ZNF613: variants seen among roughly 807,000 people sequenced by gnomAD.
ZNF613 encodes zinc finger protein 613.
In ZNF613, 8 loss-of-function variants were observed where a neutral mutation model predicts 14.3. The observed-to-expected ratio is 0.56, with a 90% confidence interval of 0.33 to 1.01. ZNF613 has a LOEUF of 1.01. Among genes scored for constraint, ZNF613 ranks in the 50% least tolerant of loss-of-function variants. ZNF613 has a pLI of 0.03. For synonymous variants in ZNF613, 228 were observed against 254.5 expected, an observed-to-expected ratio of 0.90 and a Z score of 0.99; for missense variants, 656 against 741.9, an observed-to-expected ratio of 0.88 and a Z score of 1.35.
Position 51,940,712 on chromosome 19 carries a change from G to A in ZNF613, c.235+3G>A, listed in dbSNP as rs1170142292. 1.9e-6 allele frequency: 3 copies of A among 1,610,528 alleles called. No homozygotes were observed. The highest frequency in any genetic ancestry group is 1.3e-5 in the African/African-American group (1 of 74,762). ...AATCCACAGCCAAATCTGTCCAGGT[G>A]AGTTCAGGGTGAGAGCCAGCAAGGA... On this transcript the variant is annotated splice_donor_region_variant and intron_variant, in intron 5 of 5. Transcript: ENST00000293471.
intron 2 of ZNF613, among the ~76,000 whole-genome samples, chr19:51,930,735 C>G (rs2085258009): frequency 6.6e-6 from 1 of 152,052 alleles, no homozygotes; most frequent in Admixed American, 6.6e-5. Flanking sequence ...AAATAATATG[C>G]TATAAACATT....
chr19:51,930,687 G>T (rs2085257627), intron 2 of ZNF613, among the ~76,000 whole-genome samples: 1 of 152,136 alleles, frequency 6.6e-6, no homozygotes, highest in Non-Finnish European at 1.5e-5. Flanking sequence ...TTCATCAGTT[G>T]ATGGACTTTT....
chr19:51,930,770 A>G (rs2085258208), intron 2 of ZNF613, among the ~76,000 whole-genome samples: 2 of 151,858 alleles, frequency 1.3e-5, no homozygotes, highest in South Asian at 4.1e-4. Flanking sequence ...TATTGTTTTT[A>G]TTTCTCTTAT....
intron 2 of ZNF613, among the ~76,000 whole-genome samples, chr19:51,935,769 TC>T (rs2085301182): frequency 6.6e-6 from 1 of 152,190 alleles, no homozygotes; most frequent in Non-Finnish European, 1.5e-5. Flanking sequence ...GTGCTGGTTC[TC>T]CTTTCCCATC....
intron 2 of ZNF613, among the ~76,000 whole-genome samples, chr19:51,935,150 A>G (rs1239816797): frequency 6.6e-6 from 1 of 152,112 alleles, no homozygotes; most frequent in East Asian, 1.9e-4. Flanking sequence ...CTTGAGTTTT[A>G]GAATTGGGCA....
At chr19:51,933,735 A>G (rs569996573) in intron 2 of ZNF613, among the ~76,000 whole-genome samples, 1 of 152,320 alleles carries the variant, frequency 6.6e-6, no homozygotes, top group South Asian at 2.1e-4. Flanking sequence ...TGGAGCAAAG[A>G]CAGATAAAAA....
intron 1 of ZNF613, among the ~76,000 whole-genome samples, chr19:51,928,389 A>G (rs1156431052): frequency 6.6e-6 from 1 of 152,216 alleles, no homozygotes; most frequent in East Asian, 1.9e-4. Context: ...AAGCCTTGGC[A>G]GCCAGGGCAT....
intron 2 of ZNF613, among the ~76,000 whole-genome samples, chr19:51,933,441 A>C (rs2085282578): frequency 1.3e-5 from 2 of 152,048 alleles, no homozygotes; most frequent in South Asian, 4.1e-4. Context: ...GACAACAAAC[A>C]ATTTTTTTAT....
At chr19:51,940,179 T>G (rs2085335848) in intron 3 of ZNF613, 30 bp from the exon 4 acceptor site, 1 of 1,610,552 alleles carries the variant, frequency 6.2e-7, no homozygotes, top group Admixed American at 1.7e-5. Context: ...AGAGAAATAC[T>G]TCATATTAAG....
At chr19:51,941,134 G>T (rs1296710314) in intron 5 of ZNF613, among the ~76,000 whole-genome samples, 1 of 152,170 alleles carries the variant, frequency 6.6e-6, no homozygotes, top group Non-Finnish European at 1.5e-5. Context: ...GTTTCACCAA[G>T]TTGACCAAGA....
chr19:51,934,375 C>T (rs1468354206), intron 2 of ZNF613, among the ~76,000 whole-genome samples: 1 of 152,054 alleles, frequency 6.6e-6, no homozygotes, highest in Non-Finnish European at 1.5e-5. Context: ...TGCAAGTGCA[C>T]CTTCAGTGAT....
In ZNF613 at chr19:51,945,064, A is replaced by T. The variant is rs546182797; in HGVS notation, c.1181A>T (p.His394Leu). ...KGNLIVHQRI[H>L]TGEKPYICNE... ...AATCTCATTGTACATCAGCGAATTC[A>T]TACTGGAGAAAAACCCTATATATGC... The change falls in exon 6 of 6, where the codon CAT becomes CTT. Residue 394 changes from histidine (H) to leucine (L), a missense_variant. Coordinates refer to ENST00000293471, the MANE Select transcript of ZNF613 (RefSeq NM_001031721.4). 4 of 1,614,246 alleles carry T rather than the reference A, an allele frequency of 2.5e-6. No individual in the cohort carries two copies. The highest frequency in any genetic ancestry group is 3.4e-6 in the Non-Finnish European group (4 of 1,180,034).
In ZNF613 at chr19:51,929,610, T is replaced by C. The variant is rs375309292; in HGVS notation, c.-358-122T>C. 3.9e-5 allele frequency: 6 copies of C among 152,364 alleles called. No individual in the cohort carries two copies. In the East Asian group the frequency reaches 1.2e-3, roughly 29 times the overall value. 9.4% of individuals were successfully genotyped at this position (152,364 alleles called of 1,614,324 possible). A position where few individuals can be genotyped will look rare whatever the true frequency, so the allele number is the denominator to read the frequency against. On this transcript the variant is annotated intron_variant, in intron 1 of 5. Transcript: ENST00000293471. ...TAACATGATTTAAAGAACTTTACAA[T>C]TGAATACCTGTTTGCCTACCATCTG...
In ZNF613 at chr19:51,945,548, C is replaced by T. The variant is rs1215334876; in HGVS notation, c.1665C>T (p.Ser555=). ...KLENPCSESH[S]LSHTRDLIQD... ...AAAATCCTTGCTCAGAGAGTCATAG[C>T]TTATCACATACACGTGATCTCATAC... The change falls in exon 6 of 6, where the codon AGC becomes AGT. Residue 555 remains serine, a synonymous_variant. Transcript: ENST00000293471. 5.0e-6 allele frequency: 8 copies of T among 1,614,036 alleles called. No homozygotes were observed. In the Middle Eastern group the frequency reaches 9.9e-4, roughly 199 times the overall value.
In ZNF613 at chr19:51,946,459, T is replaced by C. The variant is rs2085402339; in HGVS notation, c.*722T>C. The C allele has an allele frequency of 6.6e-6, 1 of 152,260 alleles. No individual in the cohort carries two copies. The highest frequency in any genetic ancestry group is 2.1e-4 in the South Asian group (1 of 4,832). 9.4% of individuals were successfully genotyped at this position (152,260 alleles called of 1,614,324 possible). On this transcript the variant is annotated 3_prime_UTR_variant, in exon 6 of 6. Coordinates refer to ENST00000293471, the MANE Select transcript of ZNF613 (RefSeq NM_001031721.4). Reference sequence around the variant, plus strand: ...CCAAGATCATTATATGATTAGCTCTTGTGTTTCTTTGATTCCAAATTTCTT... The same window carrying C: ...CCAAGATCATTATATGATTAGCTCTCGTGTTTCTTTGATTCCAAATTTCTT...
At position 51,946,330 on chromosome 19, in the gene ZNF613, T is replaced by A. The variant is rs2085401524; in HGVS notation, c.*593T>A. ...ATACCTTGAATCACTAGTTGATATG[T>A]CAATGACTAATTAAAAGGGGTTGTC... On this transcript the variant is annotated 3_prime_UTR_variant, in exon 6 of 6. Coordinates refer to ENST00000293471, the MANE Select transcript of ZNF613 (RefSeq NM_001031721.4). 1 of 153,022 alleles carries A rather than the reference T, an allele frequency of 6.5e-6. No individual in the cohort carries two copies. The highest frequency in any genetic ancestry group is 1.5e-5 in the Non-Finnish European group (1 of 68,668). 9.5% of individuals were successfully genotyped at this position (153,022 alleles called of 1,614,324 possible).
chr19:51,930,589 T>G (rs888115421), intron 2 of ZNF613, among the ~76,000 whole-genome samples: 1 of 152,208 alleles, frequency 6.6e-6, no homozygotes, highest in African/African-American at 2.4e-5. Flanking sequence ...TCAAGGTTTG[T>G]CTGTGTCGTA....
chr19:51,929,388 C>T (rs1348303505), intron 1 of ZNF613, among the ~76,000 whole-genome samples: 1 of 152,102 alleles, frequency 6.6e-6, no homozygotes, highest in African/African-American at 2.4e-5. Context: ...ACATGTTTCT[C>T]CCTGACCCTC....
rs765682120 is a variant in ZNF613, at chr19:51,944,416, T to A, written c.533T>A (p.Phe178Tyr). The A allele has an allele frequency of 6.2e-7, 1 of 1,607,474 alleles. No homozygotes were observed. ...GAACAATTTCATAATGAAATGAACTTCCCCGAAGGTGGAAATTCTGTGAAT... is the reference window on the plus strand; with the variant it reads ...GAACAATTTCATAATGAAATGAACTACCCCGAAGGTGGAAATTCTGTGAAT... ...KHEQFHNEMN[F>Y]PEGGNSVNTN... The change falls in exon 6 of 6, where the codon TTC becomes TAC. Residue 178 changes from phenylalanine (F) to tyrosine (Y), a missense_variant. Phe to Tyr is a conservative substitution (Grantham distance 22). Transcript: ENST00000293471.
Sources: gnomAD v4.1 joint callset for allele counts (sites outside exome capture counted in the v4.1 genomes callset) on GRCh38, gnomAD v4.1.1 for gene constraint, MANE v1.5 for transcripts, NCBI Gene and HGNC (gene_info 2026-07-23, HGNC 2026-07-21) for gene names.